Variants in RALGPS1 observed in about 807,000 individuals in gnomAD.
RALGPS1 encodes Ral GEF with PH domain and SH3 binding motif 1, also known as ras-specific guanine nucleotide-releasing factor RalGPS1.
Under a neutral mutation model 78.8 loss-of-function variants are expected in RALGPS1, and 19 were observed. That is an observed-to-expected ratio of 0.24 (90% CI 0.17 to 0.35). The LOEUF (loss-of-function observed/expected upper bound fraction) is 0.35, where lower values mean the gene tolerates loss of function less well. Among genes scored for constraint, RALGPS1 ranks in the 10% least tolerant of loss-of-function variants. The pLI is 1.00. For synonymous variants in RALGPS1, 228 were observed against 256.3 expected, an observed-to-expected ratio of 0.89 and a Z score of 1.06; for missense variants, 454 against 688.3, an observed-to-expected ratio of 0.66 and a Z score of 3.81.
At chr9:127,018,647 G>GATAATAATAATAATA (rs34742580) in intron 4 of RALGPS1, among the ~76,000 whole-genome samples, 4 of 147,050 alleles carry the variant, frequency 2.7e-5, no homozygotes, top group Non-Finnish European at 6.0e-5. Context: ...TAATAATGAT[G>GATAATAATAATAATA]ATAATAATAA....
At chr9:126,935,566 A>G (rs554224754) in intron 1 of RALGPS1, among the ~76,000 whole-genome samples, 91 of 152,320 alleles carry the variant, frequency 6.0e-4, no homozygotes, top group African/African-American at 2.1e-3. Flanking sequence ...AAAGTTTCTG[A>G]TGCATTTCTG....
At chr9:127,071,224 A>G (rs992329799) in intron 8 of RALGPS1, among the ~76,000 whole-genome samples, 3 of 151,824 alleles carry the variant, frequency 2.0e-5, no homozygotes, top group African/African-American at 7.3e-5. Context: ...CCTCCTTGCC[A>G]GAGGTTTGTC....
chr9:127,121,965 C>T (rs1007987004), intron 8 of RALGPS1, among the ~76,000 whole-genome samples: 1 of 152,232 alleles, frequency 6.6e-6, no homozygotes, highest in African/African-American at 2.4e-5. Flanking sequence ...CTTCAGTACG[C>T]TGCCCTCTAA....
chr9:127,094,895 C>G (rs1288202011), intron 8 of RALGPS1, among the ~76,000 whole-genome samples: 1 of 152,212 alleles, frequency 6.6e-6, no homozygotes, highest in Non-Finnish European at 1.5e-5. Flanking sequence ...CTCCCCACCC[C>G]TGCCCATCAA....
intron 3 of RALGPS1, among the ~76,000 whole-genome samples, chr9:126,967,108 A>G (rs1284195383): frequency 6.6e-6 from 1 of 152,144 alleles, no homozygotes; most frequent in African/African-American, 2.4e-5. Context: ...TTGCTCTGCC[A>G]TCATTGGCTT....
chr9:127,018,672 A>G (rs988547362), intron 4 of RALGPS1, among the ~76,000 whole-genome samples: 3 of 150,726 alleles, frequency 2.0e-5, no homozygotes, highest in African/African-American at 4.9e-5. Flanking sequence ...AATAATAATA[A>G]TAATAATAAC....
chr9:127,054,145 A>G (rs1410034206), intron 7 of RALGPS1, among the ~76,000 whole-genome samples: 2 of 152,152 alleles, frequency 1.3e-5, no homozygotes, highest in South Asian at 2.1e-4. Flanking sequence ...GTGAATTTCA[A>G]CTGAGCAATG....
intron 11 of RALGPS1, among the ~76,000 whole-genome samples, chr9:127,179,990 C>G (rs1278298199): frequency 6.6e-6 from 1 of 152,202 alleles, no homozygotes; most frequent in Non-Finnish European, 1.5e-5. Context: ...AATGACTTCA[C>G]AGGCAGTTCC....
At chr9:127,108,198 G>T in intron 8 of RALGPS1, 1 of 1,614,126 alleles carries the variant, frequency 6.2e-7, no homozygotes, top group Non-Finnish European at 8.5e-7. Context: ...TGTGCTCCAG[G>T]TCCTTGTACT....
chr9:127,093,681 G>A, intron 8 of RALGPS1: 5 of 1,599,340 alleles, frequency 3.1e-6, no homozygotes, highest in Admixed American at 1.7e-5. Flanking sequence ...GCCTCTCTTG[G>A]GGTGGGCCAG....
chr9:127,056,089 T>G (rs550429905), intron 7 of RALGPS1, among the ~76,000 whole-genome samples: 1 of 152,372 alleles, frequency 6.6e-6, no homozygotes, highest in African/African-American at 2.4e-5. Flanking sequence ...CTGTTGCTCC[T>G]CTACTTCCCT....
intron 1 of RALGPS1, among the ~76,000 whole-genome samples, chr9:126,920,706 G>A (rs1035941838): frequency 1.3e-5 from 2 of 152,188 alleles, no homozygotes; most frequent in African/African-American, 4.8e-5. Flanking sequence ...GCCTTGCTGG[G>A]CTCTTGCTTT....
intron 4 of RALGPS1, among the ~76,000 whole-genome samples, chr9:127,013,959 A>G (rs1346277923): frequency 6.6e-6 from 1 of 152,226 alleles, no homozygotes; most frequent in Non-Finnish European, 1.5e-5. Flanking sequence ...GCGTTCAGCA[A>G]CATGTTCATA....
intron 4 of RALGPS1, among the ~76,000 whole-genome samples, chr9:126,984,407 T>C (rs574007337): frequency 5.8e-4 from 88 of 152,364 alleles, no homozygotes; most frequent in Admixed American, 1.8e-3. Flanking sequence ...CTGACTCTTA[T>C]AGCTGAAATT....
In RALGPS1 at chr9:127,212,294, C is replaced by A; in HGVS notation, c.1353+58C>A. 1.5e-6 allele frequency: 2 copies of A among 1,340,022 alleles called. No individual in the cohort carries two copies. The highest frequency in any genetic ancestry group is 2.1e-6 in the Non-Finnish European group (2 of 959,584). The allele number at this position is 1,340,022 out of a possible 1,614,324, so 83.0% of individuals were successfully genotyped here. The stretch of plus-strand genomic sequence containing the variant: ...GGGGCTTCCACATCTGTAAATAGTG[C>A]CCACTCCTAGAGGTCTCAGCAAAAG... On this transcript the variant is annotated intron_variant, in intron 15 of 18. Transcript: ENST00000259351. This position sits in a 1 kb window ranked among gnomAD's most constrained non-coding sequence, Gnocchi z 6.0.
At chr9:126,952,663 G>GTGTGTGTGTGTGTGTC (rs1431592751) in intron 1 of RALGPS1, among the ~76,000 whole-genome samples, 10 of 106,624 alleles carry the variant, frequency 9.4e-5, no homozygotes, top group Non-Finnish European at 1.4e-4. Flanking sequence ...GAGAGTGTGT[G>GTGTGTGTGTGTGTGTC]TGTGTGTGTG....
chr9:127,066,830 A>G (rs762209781), intron 7 of RALGPS1, among the ~76,000 whole-genome samples: 5 of 152,112 alleles, frequency 3.3e-5, no homozygotes, highest in Non-Finnish European at 5.9e-5. Flanking sequence ...TAATTATTTT[A>G]CAGACAGGGT....
At chr9:127,107,297 C>T (rs983958707) in intron 8 of RALGPS1, among the ~76,000 whole-genome samples, 5 of 152,190 alleles carry the variant, frequency 3.3e-5, no homozygotes, top group Non-Finnish European at 2.9e-5. Context: ...CCAGCAATCC[C>T]ATTCCTCCCC....
intron 4 of RALGPS1, among the ~76,000 whole-genome samples, chr9:126,980,504 T>G (rs1253474783): frequency 6.6e-6 from 1 of 152,250 alleles, no homozygotes; most frequent in African/African-American, 2.4e-5. Flanking sequence ...CTGGGCACCC[T>G]AGTGGTTCCC....
Sources: allele counts gnomAD v4.1 joint callset (sites outside exome capture counted in the v4.1 genomes callset), GRCh38; gene constraint gnomAD v4.1.1; non-coding constraint Gnocchi (gnomAD v3.1); transcripts MANE v1.5; gene names NCBI Gene and HGNC (gene_info 2026-07-23, HGNC 2026-07-21).